Variants in NINJ2 observed in about 807,000 individuals in gnomAD.
NINJ2 encodes ninjurin 2.
In NINJ2, 12 loss-of-function variants were observed where a neutral mutation model predicts 11.7. That is an observed-to-expected ratio of 1.02 (90% CI 0.66 to 1.66). NINJ2 has a LOEUF of 1.66. NINJ2 is among the 40% of genes most tolerant of loss of function. The pLI is 0.00. For synonymous variants in NINJ2, 93 were observed against 76.8 expected (o/e 1.21, Z -1.10); for missense variants, 187 against 181.8 (o/e 1.03, Z -0.16).
intron 1 of NINJ2, among the ~76,000 whole-genome samples, chr12:601,828 G>A (rs558867325): frequency 2.0e-5 from 3 of 152,320 alleles, no homozygotes; most frequent in East Asian, 3.9e-4. Context: ...ATCATGCCAA[G>A]GTGGCAGTGA....
chr12:627,367 G>A (rs998707198), intron 1 of NINJ2, among the ~76,000 whole-genome samples: 3 of 152,106 alleles, frequency 2.0e-5, no homozygotes, highest in Admixed American at 2.0e-4. Flanking sequence ...AATATTTTTT[G>A]AGAATATAAT....
chr12:644,540 T>A (rs990129058), intron 1 of NINJ2: 5 of 152,172 alleles, frequency 3.3e-5, no homozygotes, highest in African/African-American at 1.2e-4. Flanking sequence ...AACAAAGTTC[T>A]AGGCAGAGGA....
rs920318762 is a variant in NINJ2 at position 633,864 on chromosome 12, A to G, written c.33+29464T>C. Reference sequence around the variant, plus strand: ...CCACTGTCTGCTAAATCAAGTACACATTCCTTTGCCTGGTTATTTAAAAAT... The same window carrying G: ...CCACTGTCTGCTAAATCAAGTACACGTTCCTTTGCCTGGTTATTTAAAAAT... On this transcript the variant is annotated intron_variant, in intron 1 of 3. Coordinates refer to ENST00000305108, the MANE Select transcript of NINJ2 (RefSeq NM_016533.6). The surrounding 1 kb of genome is among the most constrained non-coding windows in gnomAD (Gnocchi z 4.3). Among the ~76,000 whole-genome samples the G allele has an allele frequency of 1.3e-5, 2 of 152,108 alleles. No homozygotes were observed. Among genetic ancestry groups the G allele is most frequent in the Non-Finnish European group, 2.9e-5 (2 of 68,022 alleles).
intron 1 of NINJ2, among the ~76,000 whole-genome samples, chr12:567,697 A>G (rs977871841): frequency 6.6e-6 from 1 of 152,230 alleles, no homozygotes; most frequent in African/African-American, 2.4e-5. Flanking sequence ...TTTGGATTCT[A>G]TGAGCCCTTA....
intron 1 of NINJ2, among the ~76,000 whole-genome samples, chr12:589,170 G>C (rs1176225258): frequency 1.3e-5 from 2 of 152,164 alleles, no homozygotes; most frequent in Non-Finnish European, 2.9e-5. Flanking sequence ...GGCTAAATAA[G>C]CTGGCCTACA....
At chr12:577,038 T>C (rs545001206) in intron 1 of NINJ2, among the ~76,000 whole-genome samples, 6 of 152,302 alleles carry the variant, frequency 3.9e-5, no homozygotes, top group African/African-American at 1.4e-4. Context: ...AATAATGATA[T>C]TGCTGTATGT....
At chr12:568,111 A>G (rs984144341) in intron 1 of NINJ2, among the ~76,000 whole-genome samples, 11 of 152,244 alleles carry the variant, frequency 7.2e-5, no homozygotes, top group Non-Finnish European at 1.0e-4. Flanking sequence ...TCCTCAATAT[A>G]TGTACATTCT....
Position 658,582 on chromosome 12 carries a change from C to T in NINJ2, c.33+4746G>A, listed in dbSNP as rs143036896. ...AAAAAGTCAGTCATTGCTAGGGGTT[C>T]AGAGGGGAAGGAGCAATGAAGAGGC... On this transcript the variant is annotated intron_variant, in intron 1 of 3. Transcript: ENST00000305108. Among the ~76,000 whole-genome samples the T allele has an allele frequency of 4.8e-3, 735 of 152,032 alleles. 3 individuals carry two copies. Among genetic ancestry groups the T allele is most frequent in the African/African-American group, 0.017 (687 of 41,458 alleles).
Position 613,892 on chromosome 12 carries a change from G to A in NINJ2, c.34-47714C>T, listed in dbSNP as rs146384785. 4.4e-3 allele frequency among the ~76,000 whole-genome samples: 664 copies of A among 152,162 alleles called. 33 individuals carry two copies. In the East Asian group the frequency reaches 0.11, roughly 25 times the overall value. On this transcript the variant is annotated intron_variant, in intron 1 of 3. Transcript: ENST00000305108. ...TGCACTCCAGCCCGGGTGACAGAGT[G>A]AGACTTTGTCTCAAAAAATAATAAT...
intron 3 of NINJ2, 28 bp downstream of exon 3, chr12:565,189 G>A: frequency 6.4e-7 from 1 of 1,572,440 alleles, no homozygotes; most frequent in Non-Finnish European, 8.6e-7. Flanking sequence ...GGAGTCCCTG[G>A]AGCTGGGGTT....
Position 663,398 on chromosome 12 carries a change from C to T in NINJ2, c.-38G>A, listed in dbSNP as rs570353758. 1.2e-6 allele frequency: 2 copies of T among 1,614,126 alleles called. No individual in the cohort carries two copies. Among genetic ancestry groups the T allele is most frequent in the Non-Finnish European group, 8.5e-7 (1 of 1,179,996 alleles). On this transcript the variant is annotated 5_prime_UTR_variant, in exon 1 of 4. Transcript: ENST00000305108. The stretch of plus-strand genomic sequence containing the variant: ...AAGTCCCTTCACACGCACCGGGTGC[C>T]GGGAACAGACTGCGTGGGCTCCTCC...
intron 1 of NINJ2, among the ~76,000 whole-genome samples, chr12:662,434 C>T (rs1040287217): frequency 7.2e-6 from 1 of 138,408 alleles, no homozygotes; most frequent in Non-Finnish European, 1.5e-5. Flanking sequence ...GAGAGAGAGA[C>T]GCGTGCACAT....
intron 1 of NINJ2, among the ~76,000 whole-genome samples, chr12:634,409 A>G (rs1948321845): frequency 6.7e-6 from 1 of 149,590 alleles, no homozygotes; most frequent in Non-Finnish European, 1.5e-5. Flanking sequence ...ACTGGCGCCC[A>G]CCACCACAGC....
chr12:653,043 T>C lies in NINJ2; in HGVS notation c.33+10285A>G, dbSNP rs568599002. Among the ~76,000 whole-genome samples the C allele has an allele frequency of 2.1e-4, 25 of 116,484 alleles. No homozygotes were observed. The East Asian group carries it at 6.6e-3, about 31-fold the overall frequency. The allele number at this position is 116,484 out of a possible 152,430, so 76.4% of individuals were successfully genotyped here. A position where few individuals can be genotyped will look rare whatever the true frequency, so the allele number is the denominator to read the frequency against. On this transcript the variant is annotated intron_variant, in intron 1 of 3. Transcript: ENST00000305108. ...CTTTTTTTTTTTTTTTTTTTTGAGA[T>C]GGAGTCTTGCTCTGTCACCCAGGCT...
intron 1 of NINJ2, among the ~76,000 whole-genome samples, chr12:604,619 C>T (rs961765739): frequency 7.2e-5 from 11 of 152,108 alleles, no homozygotes; most frequent in African/African-American, 2.4e-4. Flanking sequence ...GCCTGGGCGA[C>T]AGAGCGAGAC....
At chr12:577,836 C>T (rs1406162414) in intron 1 of NINJ2, among the ~76,000 whole-genome samples, 1 of 151,894 alleles carries the variant, frequency 6.6e-6, no homozygotes, top group Admixed American at 6.6e-5. Context: ...GGATTACAGG[C>T]GTGAGCCACT....
At chr12:649,113 C>T (rs1937744842) in intron 1 of NINJ2, among the ~76,000 whole-genome samples, 1 of 151,368 alleles carries the variant, frequency 6.6e-6, no homozygotes, top group African/African-American at 2.4e-5. Flanking sequence ...GTGGCGCGAT[C>T]TCGGCTCACT....
intron 1 of NINJ2, among the ~76,000 whole-genome samples, chr12:603,684 G>T (rs997621388): frequency 6.7e-6 from 1 of 149,996 alleles, no homozygotes; most frequent in Non-Finnish European, 1.5e-5. Context: ...TTTTTGAGAC[G>T]GAGTCTCAGC....
At chr12:648,065 A>G (rs757941070) in intron 1 of NINJ2, among the ~76,000 whole-genome samples, 28 of 152,168 alleles carry the variant, frequency 1.8e-4, no homozygotes, top group Non-Finnish European at 3.1e-4. Flanking sequence ...GGATACATCA[A>G]TTAGTCAACA....
Sources: allele counts gnomAD v4.1 joint callset (sites outside exome capture counted in the v4.1 genomes callset), GRCh38; gene constraint gnomAD v4.1.1; non-coding constraint Gnocchi (gnomAD v3.1); transcripts MANE v1.5; gene names NCBI Gene and HGNC (gene_info 2026-07-23, HGNC 2026-07-21).